PLIN3: variants seen among roughly 807,000 people sequenced by gnomAD.
The protein encoded by PLIN3 is perilipin 3, also known as perilipin-3.
PLIN3 carries 30 observed loss-of-function variants against 35.9 expected under a neutral mutation model. That is an observed-to-expected ratio of 0.84 (90% confidence interval 0.62 to 1.13). The LOEUF (loss-of-function observed/expected upper bound fraction) is 1.13. Among genes scored for constraint, PLIN3 ranks in the 50% most tolerant of loss-of-function variants. The pLI, the probability that PLIN3 is intolerant of heterozygous loss-of-function variation, is 0.00. For synonymous variants in PLIN3, 261 were observed against 262.5 expected (o/e 0.99, Z 0.06); for missense variants, 603 against 596.9 (o/e 1.01, Z -0.11).
chr19:4,856,758 G>A (rs1430631897), intron 4 of PLIN3, among the ~76,000 whole-genome samples: 3 of 149,380 alleles, frequency 2.0e-5, no homozygotes, highest in African/African-American at 7.4e-5. Flanking sequence ...AGGCTGGAGC[G>A]TGGTGGCACG....
At chr19:4,849,679 G>A (rs919251230) in intron 5 of PLIN3, among the ~76,000 whole-genome samples, 4 of 151,836 alleles carry the variant, frequency 2.6e-5, no homozygotes, top group Non-Finnish European at 4.4e-5. Flanking sequence ...TTGAGACAGA[G>A]TCTCACTCTG....
chr19:4,855,035 A>G (rs1291125635), intron 4 of PLIN3, among the ~76,000 whole-genome samples: 1 of 151,478 alleles, frequency 6.6e-6, no homozygotes, highest in East Asian at 2.0e-4. Flanking sequence ...GGATCACCTG[A>G]GGTCAGGAGT....
intron 5 of PLIN3, among the ~76,000 whole-genome samples, chr19:4,849,035 G>A (rs756550583): frequency 7.9e-5 from 12 of 151,924 alleles, no homozygotes; most frequent in African/African-American, 2.2e-4. Context: ...CACGACCTCA[G>A]CTTACTGCAG....
Position 4,842,548 on chromosome 19 carries a change from C to A in PLIN3, c.960+2120G>T, listed in dbSNP as rs550354684. The stretch of plus-strand genomic sequence containing the variant: ...CCGGGAGGCAGAGGTTGCAGTGAGC[C>A]GAGATCATGACATTGCACTCCAGCC... On this transcript the variant is annotated intron_variant, in intron 7 of 7. Transcript: ENST00000221957. Among the ~76,000 whole-genome samples the A allele has an allele frequency of 2.9e-5, 4 of 137,992 alleles. No individual in the cohort carries two copies. The East Asian group carries it at 8.4e-4, about 29-fold the overall frequency. The allele number at this position is 137,992 out of a possible 152,430, so 90.5% of individuals were successfully genotyped here. A position where few individuals can be genotyped will look rare whatever the true frequency, so the allele number is the denominator to read the frequency against.
At chr19:4,839,857 G>C (rs2146193102) in intron 7 of PLIN3, among the ~76,000 whole-genome samples, 1 of 151,638 alleles carries the variant, frequency 6.6e-6, no homozygotes, top group Admixed American at 6.6e-5. Flanking sequence ...AGTAGAGACG[G>C]GGTTTCACCG....
chr19:4,839,667 C>CTT (rs781142496), intron 7 of PLIN3, 131 bp from the exon 8 acceptor site: 1,442 of 449,834 alleles, frequency 3.2e-3, no homozygotes, highest in South Asian at 5.7e-3. Context: ...ATAGGCGAAA[C>CTT]TTTTTTTTTT....
At chr19:4,843,030 G>A (rs1031615969) in intron 7 of PLIN3, among the ~76,000 whole-genome samples, 1 of 151,486 alleles carries the variant, frequency 6.6e-6, no homozygotes, top group African/African-American at 2.4e-5. Context: ...AGACCAGCCT[G>A]GCCAACATGG....
chr19:4,842,772 A>G (rs895808737), intron 7 of PLIN3, among the ~76,000 whole-genome samples: 1 of 152,026 alleles, frequency 6.6e-6, no homozygotes, highest in Non-Finnish European at 1.5e-5. Flanking sequence ...TGTGCTTAGC[A>G]GTCGGGGAAA....
chr19:4,852,287 G>A lies in PLIN3; in HGVS notation c.363C>T (p.Thr121=). 6.2e-7 allele frequency: 1 copy of A among 1,602,882 alleles called. No homozygotes were observed. Among genetic ancestry groups the A allele is most frequent in the South Asian group, 1.1e-5 (1 of 91,074 alleles). ...QQPTEKVLAD[T]KELVSSKVSG... is the part of the protein sequence containing the mutation. ...ACACCTTAGACGACACAAGCTCCTTGGTGTCCGCCAGGACCTAGGAGATGC... is the reference window on the plus strand; with the variant it reads ...ACACCTTAGACGACACAAGCTCCTTAGTGTCCGCCAGGACCTAGGAGATGC... The change falls in exon 5 of 8, where the codon ACC becomes ACT. Residue 121 remains threonine, a synonymous_variant. Transcript: ENST00000221957.
At chr19:4,860,812 A>G (rs2030649730) in intron 2 of PLIN3, among the ~76,000 whole-genome samples, 2 of 152,022 alleles carry the variant, frequency 1.3e-5, no homozygotes, top group Admixed American at 1.3e-4. Flanking sequence ...CTCTACTAAA[A>G]ATACAAAAAT....
intron 5 of PLIN3, among the ~76,000 whole-genome samples, chr19:4,850,315 C>T (rs2030244026): frequency 3.4e-5 from 5 of 148,558 alleles, no homozygotes; most frequent in South Asian, 4.3e-4. Flanking sequence ...CTCACTCTGT[C>T]GCCCAGGCTG....
intron 1 of PLIN3, among the ~76,000 whole-genome samples, 164 bp downstream of exon 1, chr19:4,867,445 G>C (rs1025198616): frequency 6.6e-6 from 1 of 152,002 alleles, no homozygotes; most frequent in Non-Finnish European, 1.5e-5. Context: ...GGATTTTTCT[G>C]GGGGGAGGGG....
intron 4 of PLIN3, among the ~76,000 whole-genome samples, chr19:4,859,160 A>G (rs971593517): frequency 1.3e-5 from 2 of 152,150 alleles, no homozygotes; most frequent in Admixed American, 6.6e-5. Flanking sequence ...TTGCCATTGT[A>G]GGGTGAAAGC....
rs1250617293 is a variant in PLIN3, at chr19:4,852,196, C to T, written c.454G>A (p.Asp152Asn). The T allele has an allele frequency of 1.2e-6, 2 of 1,613,026 alleles. No homozygotes were observed. The highest frequency in any genetic ancestry group is 2.2e-5 in the East Asian group (1 of 44,880). The change falls in exon 5 of 8, where the codon GAC becomes AAC. Residue 152 changes from aspartate to asparagine, a missense_variant. Coordinates refer to ENST00000221957, the MANE Select transcript of PLIN3 (RefSeq NM_005817.5). ...TVATQLSEAV[D>N]ATRGAVQSGV... ...CTCTGCACAGCACCGCGGGTCGCGT[C>T]CACCGCCTCCGACAATTGGGTGGCC...
intron 4 of PLIN3, among the ~76,000 whole-genome samples, chr19:4,855,697 C>A (rs904554915): frequency 6.6e-6 from 1 of 151,934 alleles, no homozygotes; most frequent in Admixed American, 6.6e-5. Context: ...CGTGAGCCAC[C>A]GTGCCTGGCT....
At chr19:4,856,835 A>G (rs1364850442) in intron 4 of PLIN3, among the ~76,000 whole-genome samples, 1 of 151,472 alleles carries the variant, frequency 6.6e-6, no homozygotes, top group Non-Finnish European at 1.5e-5. Context: ...CCTCCCGAGT[A>G]GCTGAGATTA....
In PLIN3 at chr19:4,847,724, C is replaced by G; in HGVS notation, c.801G>C (p.Glu267Asp). ...GGACCTGCGACAGCTGCAGCAGAGC[C>G]TCCTGTGCCCTCTGCTTGGTGGCTC... ...KLRATKQRAQEALLQLSQVLS... is the reference protein window; with the variant it reads ...KLRATKQRAQDALLQLSQVLS... Residue 267 changes from glutamate to aspartate, a missense_variant, in exon 6 of 8, where the codon GAG becomes GAC. Glu to Asp is a conservative substitution (Grantham distance 45). Transcript: ENST00000221957. The G allele has an allele frequency of 6.2e-7, 1 of 1,609,800 alleles. No homozygotes were observed.
At chr19:4,865,488 C>CA (rs577302869) in intron 1 of PLIN3, among the ~76,000 whole-genome samples, 15,189 of 133,556 alleles carry the variant, frequency 0.11, 979 homozygotes, top group East Asian at 0.31. Context: ...GACTCCGTTT[C>CA]AAAAAAAAAA....
intron 7 of PLIN3, among the ~76,000 whole-genome samples, chr19:4,840,278 A>G (rs1279480120): frequency 6.6e-6 from 1 of 151,296 alleles, no homozygotes; most frequent in Non-Finnish European, 1.5e-5. Context: ...TTTTCTTTTA[A>G]TTAGAAACAG....
Sources: allele counts gnomAD v4.1 joint callset (sites outside exome capture counted in the v4.1 genomes callset), GRCh38; gene constraint gnomAD v4.1.1; transcripts MANE v1.5; gene names NCBI Gene and HGNC (gene_info 2026-07-23, HGNC 2026-07-21).